Variants in TEX9 observed in about 807,000 individuals in gnomAD.
TEX9 encodes testis-expressed protein 9.
A neutral mutation model predicts 59.6 loss-of-function variants in TEX9; 74 were observed. That is an observed-to-expected ratio of 1.24 (90% CI 1.03 to 1.51). The LOEUF (loss-of-function observed/expected upper bound fraction) is 1.51, where lower values mean the gene tolerates loss of function less well. Ranked by LOEUF, TEX9 falls within the 40% of genes most tolerant of loss-of-function variation. The pLI, the probability that TEX9 is intolerant of heterozygous loss-of-function variation, is 0.00. For synonymous variants in TEX9, 186 were observed against 152.2 expected, an observed-to-expected ratio of 1.22 and a Z score of -1.64; for missense variants, 522 against 447.8, an observed-to-expected ratio of 1.17 and a Z score of -1.49.
At chr15:56,276,004 G>A (rs1308226529) in intron 1 of TEX9, among the ~76,000 whole-genome samples, 1 of 151,978 alleles carries the variant, frequency 6.6e-6, no homozygotes, top group Admixed American at 6.6e-5. Context: ...AGAAAAGTCA[G>A]TCTTATGTCC....
At chr15:56,426,991 T>C (rs2050314644) in intron 10 of TEX9, among the ~76,000 whole-genome samples, 1 of 152,042 alleles carries the variant, frequency 6.6e-6, no homozygotes, top group East Asian at 1.9e-4. Context: ...AAATGGTATT[T>C]AGATGTCTGC....
At chr15:56,458,136 C>T in the TEX9 span, among the ~76,000 whole-genome samples, 1 of 152,048 alleles carries the variant, frequency 6.6e-6, no homozygotes, top group Non-Finnish European at 1.5e-5. Flanking sequence ...AGTTTGATGC[C>T]ATTTATGTAA....
chr15:56,349,098 A>G (rs1316393812), intron 1 of TEX9, among the ~76,000 whole-genome samples: 2 of 152,144 alleles, frequency 1.3e-5, no homozygotes, highest in Non-Finnish European at 1.5e-5. Context: ...TAATTCCAAC[A>G]TCTGGGTCTT....
At chr15:56,440,631 CA>C (rs1381814426) in intron 12 of TEX9, among the ~76,000 whole-genome samples, 1 of 151,064 alleles carries the variant, frequency 6.6e-6, no homozygotes, top group Non-Finnish European at 1.5e-5. Flanking sequence ...TGTTACTCAG[CA>C]AAAAAAGGGA....
chr15:56,293,823 G>A (rs1311929858), intron 1 of TEX9, among the ~76,000 whole-genome samples: 1 of 152,212 alleles, frequency 6.6e-6, no homozygotes, highest in Non-Finnish European at 1.5e-5. Context: ...CTTCATGCAG[G>A]GAGGATGACC....
At chr15:56,254,498 C>T (rs1261578144) in intron 1 of TEX9, among the ~76,000 whole-genome samples, 1 of 151,472 alleles carries the variant, frequency 6.6e-6, no homozygotes, top group Non-Finnish European at 1.5e-5. Context: ...CCCCAGGAGG[C>T]ACAGGGAGGC....
At chr15:56,443,744 T>C in intron 12 of TEX9, 1 of 1,613,396 alleles carries the variant, frequency 6.2e-7, no homozygotes, top group Non-Finnish European at 8.5e-7. Flanking sequence ...TTTTCTGTTT[T>C]CTTCTTCCAT....
intron 1 of TEX9, among the ~76,000 whole-genome samples, chr15:56,339,399 A>AGC (rs1567091378): frequency 7.5e-6 from 1 of 133,388 alleles, no homozygotes; most frequent in Non-Finnish European, 1.7e-5. Context: ...AAAAAAAAAA[A>AGC]AAAAAAAAAA....
intron 10 of TEX9, among the ~76,000 whole-genome samples, chr15:56,419,066 T>C (rs925479088): frequency 6.6e-6 from 1 of 151,932 alleles, no homozygotes; most frequent in African/African-American, 2.4e-5. Flanking sequence ...CTTCAATTTT[T>C]CCAAGCAGCT....
the TEX9 span, among the ~76,000 whole-genome samples, chr15:56,452,522 CT>C: frequency 0.35 from 47,974 of 138,566 alleles, 7,391 homozygotes; most frequent in Middle Eastern, 0.46. Context: ...TTCTTTTTTT[CT>C]TTTTTTTTTT....
At chr15:56,423,317 T>A (rs1243053489) in intron 10 of TEX9, among the ~76,000 whole-genome samples, 1 of 152,210 alleles carries the variant, frequency 6.6e-6, no homozygotes, top group Non-Finnish European at 1.5e-5. Context: ...ATTTGCTTTG[T>A]GATTTCTTCT....
intron 1 of TEX9, among the ~76,000 whole-genome samples, chr15:56,245,079 C>T (rs575731136): frequency 1.3e-5 from 2 of 152,194 alleles, no homozygotes; most frequent in East Asian, 1.9e-4. Context: ...CTGTTAGATC[C>T]TCTGGCCACT....
intron 1 of TEX9, among the ~76,000 whole-genome samples, chr15:56,303,093 C>T (rs1023742841): frequency 9.2e-5 from 14 of 152,162 alleles, no homozygotes; most frequent in Non-Finnish European, 1.9e-4. Context: ...GAGAGATAGA[C>T]CCCAATACAA....
At chr15:56,347,605 C>G (rs2046496582) in intron 1 of TEX9, among the ~76,000 whole-genome samples, 1 of 151,782 alleles carries the variant, frequency 6.6e-6, no homozygotes, top group Non-Finnish European at 1.5e-5. Context: ...ATACCTTTTA[C>G]AAAAGTAATT....
chr15:56,384,274 A>C (rs997915888), intron 4 of TEX9, among the ~76,000 whole-genome samples: 1 of 152,240 alleles, frequency 6.6e-6, no homozygotes. Context: ...GGAAAAGTAC[A>C]TAATCGATGT....
chr15:56,254,250 A>C (rs1296194082), intron 1 of TEX9, among the ~76,000 whole-genome samples: 2 of 152,020 alleles, frequency 1.3e-5, no homozygotes, highest in African/African-American at 4.8e-5. Flanking sequence ...ACTGTGCCGT[A>C]CATTTGGCTC....
intron 10 of TEX9, among the ~76,000 whole-genome samples, chr15:56,426,926 T>C (rs1342255945): frequency 6.6e-6 from 1 of 151,970 alleles, no homozygotes; most frequent in South Asian, 2.1e-4. Flanking sequence ...AATTCTCTGC[T>C]TAGCTAAAGG....
intron 10 of TEX9, among the ~76,000 whole-genome samples, chr15:56,415,296 G>A (rs879042262): frequency 9.2e-5 from 14 of 151,710 alleles, no homozygotes; most frequent in Non-Finnish European, 1.5e-4. Flanking sequence ...TGTCTTTGTC[G>A]TGAAATCTTT....
intron 1 of TEX9, among the ~76,000 whole-genome samples, chr15:56,260,376 C>G (rs2044236870): frequency 6.6e-6 from 1 of 151,982 alleles, no homozygotes; most frequent in African/African-American, 2.4e-5. Context: ...TGTACATAAA[C>G]TTTATCATAT....
Sources: gnomAD v4.1 joint callset for allele counts (sites outside exome capture counted in the v4.1 genomes callset) on GRCh38, gnomAD v4.1.1 for gene constraint, MANE v1.5 for transcripts, NCBI Gene and HGNC (gene_info 2026-07-23, HGNC 2026-07-21) for gene names.